Variants in NBEAL1 observed in about 807,000 individuals in gnomAD.
NBEAL1 encodes neurobeachin-like protein 1.
NBEAL1 carries 273 observed loss-of-function variants against 351.3 expected under a neutral mutation model. The ratio of observed to expected loss-of-function variants is 0.78; its 90% CI spans 0.70 to 0.86. NBEAL1 has a LOEUF of 0.86. Ranked by LOEUF, NBEAL1 falls within the 40% of genes least tolerant of loss-of-function variation. The pLI is 0.00. For missense variants in NBEAL1, 2,961 were observed against 3,201.3 expected (o/e 0.92, Z 1.81); for synonymous variants, 1,050 against 1,086.4 (o/e 0.97, Z 0.66).
chr2:203,131,993 A>G lies in NBEAL1; in HGVS notation c.3585A>G (p.Lys1195=). The G allele has an allele frequency of 6.5e-7, 1 of 1,543,524 alleles. No individual in the cohort carries two copies. Among genetic ancestry groups the G allele is most frequent in the Non-Finnish European group, 8.7e-7 (1 of 1,143,554 alleles). Residue 1195 remains lysine (K), a synonymous_variant, in exon 26 of 56, where the codon AAA becomes AAG. Transcript: ENST00000683969. ...IIFKIMEQML[K]CTNVYERSKQ... ...ACCAGATTATGGAACAAATGTTGAA[A>G]TGCACGAACGTTTATGAGCGTAGTA...
At chr2:203,134,175 GTACTTAGCTCTGAGTA>G (rs1019461317) in intron 27 of NBEAL1, among the ~76,000 whole-genome samples, 6 of 152,094 alleles carry the variant, frequency 3.9e-5, no homozygotes, top group African/African-American at 1.4e-4. Context: ...ATTTCCCTAT[GTACTTAGCTCTGAGTA>G]TTTGGAGCAG....
intron 2 of NBEAL1, among the ~76,000 whole-genome samples, chr2:203,028,702 TC>T (rs1215642305): frequency 6.6e-6 from 1 of 151,816 alleles, no homozygotes; most frequent in Non-Finnish European, 1.5e-5. Context: ...TATTTTTCTT[TC>T]CTAAAGAATT....
intron 6 of NBEAL1, among the ~76,000 whole-genome samples, chr2:203,064,651 G>A (rs1210834153): frequency 6.6e-6 from 1 of 152,172 alleles, no homozygotes; most frequent in African/African-American, 2.4e-5. Flanking sequence ...AGGGCTGGAG[G>A]ACAACTTTCT....
chr2:203,052,856 G>A (rs2061345780), intron 4 of NBEAL1, among the ~76,000 whole-genome samples: 1 of 151,920 alleles, frequency 6.6e-6, no homozygotes, highest in Non-Finnish European at 1.5e-5. Context: ...AAGGTGCTGG[G>A]ACTATAGGCA....
intron 51 of NBEAL1, among the ~76,000 whole-genome samples, chr2:203,207,452 G>A (rs1288859284): frequency 6.6e-6 from 1 of 152,146 alleles, no homozygotes; most frequent in Admixed American, 6.5e-5. Flanking sequence ...TGACAATGGC[G>A]GTTTTGTGGA....
intron 43 of NBEAL1, chr2:203,182,618 G>A (rs192416917): frequency 6.6e-6 from 1 of 152,280 alleles, no homozygotes; most frequent in Non-Finnish European, 1.5e-5. Context: ...TGTGCATTCT[G>A]TCATTTTATG....
Position 203,057,439 on chromosome 2 carries a change from A to G in NBEAL1, c.501A>G (p.Arg167=), listed in dbSNP as rs566015801. 6.4e-7 allele frequency: 1 copy of G among 1,550,408 alleles called. No homozygotes were observed. Among genetic ancestry groups the G allele is most frequent in the East Asian group, 2.4e-5 (1 of 41,280 alleles). Residue 167 remains arginine (R), a synonymous_variant, in exon 6 of 56, where the codon AGA becomes AGG. Transcript: ENST00000683969. The part of the protein sequence containing the change: ...ESLYDPYRNW[R]HRISGRILST... ...TATATGATCCATATCGGAATTGGAG[A>G]CATAGAATTTCAGGGTATGTCTTAT...
In NBEAL1 at chr2:203,107,613, A is replaced by G. The variant is rs1272791791; in HGVS notation, c.1374A>G (p.Val458=). The G allele has an allele frequency of 1.9e-6, 3 of 1,551,498 alleles. No homozygotes were observed. The South Asian group carries it at 3.6e-5, about 18-fold the overall frequency. The change falls in exon 14 of 56, where the codon GTA becomes GTG. Residue 458 remains valine (V), a synonymous_variant. Coordinates refer to ENST00000683969, the MANE Select transcript of NBEAL1 (RefSeq NM_001378026.1). Reference sequence around the variant, plus strand: ...TCTTTTATGTTGCTTTTCAGGCTGTAGAGGGTGACCACACTTCAGTTGGGA... The same window carrying G: ...TCTTTTATGTTGCTTTTCAGGCTGTGGAGGGTGACCACACTTCAGTTGGGA... ...ELLKELMNMA[V]EGDHTSVGIL...
rs1402685293 is a variant in NBEAL1 at position 203,083,289 on chromosome 2, C to T, written c.755C>T (p.Ser252Phe). ...ATGCGAGTATTGGCAGATTGTGATTCCTGGGAGGATGGAGATCCTGAAGAA... is the reference window on the plus strand; with the variant it reads ...ATGCGAGTATTGGCAGATTGTGATTTCTGGGAGGATGGAGATCCTGAAGAA... The part of the protein sequence containing the change: ...VLMRVLADCD[S>F]WEDGDPEEVG... The change falls in exon 9 of 56, where the codon TCC (serine) becomes TTC (phenylalanine). Residue 252 changes from serine to phenylalanine, a missense_variant. By Grantham distance (155) the Ser-to-Phe change is radical (BLOSUM62 -2). Coordinates refer to ENST00000683969, the MANE Select transcript of NBEAL1 (RefSeq NM_001378026.1). 3 of 1,552,730 alleles carry T rather than the reference C, an allele frequency of 1.9e-6. No homozygotes were observed. Among genetic ancestry groups the T allele is most frequent in the South Asian group, 1.2e-5 (1 of 84,130 alleles).
chr2:203,108,382 A>G (rs2062484143), intron 14 of NBEAL1, among the ~76,000 whole-genome samples, 194 bp downstream of exon 14: 1 of 133,218 alleles, frequency 7.5e-6, no homozygotes, highest in African/African-American at 2.7e-5. Flanking sequence ...TTTATCTCAA[A>G]TATTGCTGGT....
Position 203,136,747 on chromosome 2 carries a change from T to C in NBEAL1, c.4538T>C (p.Leu1513Pro). 6.2e-7 allele frequency: 1 copy of C among 1,612,834 alleles called. No individual in the cohort carries two copies. Among genetic ancestry groups the C allele is most frequent in the East Asian group, 2.2e-5 (1 of 44,806 alleles). The stretch of plus-strand genomic sequence containing the variant: ...AAACCAGGAATATCCAGTGAACTAC[T>C]TCGACCATCAGATGAAATAAAACTA... ...LSKPGISSELLRPSDEIKLTL... is the reference protein window; with the variant it reads ...LSKPGISSELPRPSDEIKLTL... The change falls in exon 29 of 56, where the codon CTT (leucine) becomes CCT (proline). Residue 1513 changes from leucine to proline, a missense_variant. By Grantham distance (98) the Leu-to-Pro change is moderately conservative. Coordinates refer to ENST00000683969, the MANE Select transcript of NBEAL1 (RefSeq NM_001378026.1).
intron 42 of NBEAL1, among the ~76,000 whole-genome samples, chr2:203,177,271 A>G (rs2064538004): frequency 6.6e-6 from 1 of 151,820 alleles, no homozygotes. Context: ...AAGGTGGCAC[A>G]CACCTATAAC....
chr2:203,144,599 G>C lies in NBEAL1; in HGVS notation c.4849-1G>C. 6.2e-7 allele frequency: 1 copy of C among 1,606,604 alleles called. No homozygotes were observed. The highest frequency in any genetic ancestry group is 8.5e-7 in the Non-Finnish European group (1 of 1,175,776). On this transcript the variant is annotated splice_acceptor_variant, in intron 31 of 55. Coordinates refer to ENST00000683969, the MANE Select transcript of NBEAL1 (RefSeq NM_001378026.1). LOFTEE classifies it high-confidence loss of function. ...TTCTCATCTAAACTGTTTTCCTCCA[G>C]GTTTGTGCAATGGCATCAGCTAAGC... is the stretch of plus-strand genomic sequence containing the variant.
rs1179188081 is a variant in NBEAL1, at chr2:203,151,479, TTCAC to T, written c.5479_5482del (p.His1827GlyfsTer3). 1.3e-6 allele frequency: 2 copies of T among 1,595,058 alleles called. No individual in the cohort carries two copies. Among genetic ancestry groups the T allele is most frequent in the Non-Finnish European group, 8.5e-7 (1 of 1,172,038 alleles). ...AATATTCTTAGGAAACAGAATCCAATTCACTGGAAGCTAGCTAATGTAGAGAATT... is the reference window on the plus strand; with the variant it reads ...AATATTCTTAGGAAACAGAATCCAATTGGAAGCTAGCTAATGTAGAGAATT... On this transcript the variant is annotated frameshift_variant, in exon 35 of 56. Transcript: ENST00000683969. LOFTEE classifies it high-confidence loss of function.
chr2:203,093,937 A>AT (rs1045008286), intron 10 of NBEAL1, among the ~76,000 whole-genome samples: 58 of 149,992 alleles, frequency 3.9e-4, no homozygotes, highest in African/African-American at 9.8e-4. Flanking sequence ...TATTTCTGGA[A>AT]TTTTTTTTTT....
In NBEAL1 at chr2:203,126,745, TA is replaced by T. The variant is rs780650211; in HGVS notation, c.3145+30del. On this transcript the variant is annotated intron_variant, in intron 22 of 55. Coordinates refer to ENST00000683969, the MANE Select transcript of NBEAL1 (RefSeq NM_001378026.1). ...AGAGCAGGCTTTCAGATAAACATTT[TA>T]TAGTTGTTTTAGAAATTTATAACTA... 4.5e-5 allele frequency: 69 copies of T among 1,516,794 alleles called. No individual in the cohort carries two copies. The East Asian group carries it at 1.6e-3, about 35-fold the overall frequency. 94.0% of individuals were successfully genotyped at this position (1,516,794 alleles called of 1,614,324 possible).
At position 203,163,217 on chromosome 2, in the gene NBEAL1, TCTC is replaced by T. The variant is rs558914155; in HGVS notation, c.5715-2930_5715-2928del. Among the ~76,000 whole-genome samples, 660 of 152,188 alleles carry T rather than the reference TCTC, an allele frequency of 4.3e-3. 1 individual carries two copies. The highest frequency in any genetic ancestry group is 7.2e-3 in the Non-Finnish European group (487 of 67,996). ...TCTCTTTAACATATTTGTAACTCCT[TCTC>T]CACAGGTGAAAAACCTGGATACCAT... is the stretch of plus-strand genomic sequence containing the variant. On this transcript the variant is annotated intron_variant, in intron 36 of 55. Coordinates refer to ENST00000683969, the MANE Select transcript of NBEAL1 (RefSeq NM_001378026.1).
In NBEAL1 at chr2:203,136,618, T is replaced by G; in HGVS notation, c.4409T>G (p.Leu1470Arg). 3 of 1,610,654 alleles carry G rather than the reference T, an allele frequency of 1.9e-6. No individual in the cohort carries two copies. The highest frequency in any genetic ancestry group is 2.5e-6 in the Non-Finnish European group (3 of 1,177,936). ...CCATAGAGATGTGAGGAGGAGCTTC[T>G]TCAATTACTGACACATATTTTGAAT... ...ESQERCEEEL[L>R]QLLTHILNYV... Residue 1470 changes from leucine to arginine, a missense_variant, in exon 29 of 56, where the codon CTT (leucine) becomes CGT (arginine). Transcript: ENST00000683969.
At chr2:203,109,809 C>T (rs950269837) in intron 14 of NBEAL1, among the ~76,000 whole-genome samples, 20 of 152,174 alleles carry the variant, frequency 1.3e-4, no homozygotes, top group Admixed American at 8.5e-4. Context: ...CATGAGCCAC[C>T]GCGCCTGGCC....
Sources: allele counts gnomAD v4.1 joint callset (sites outside exome capture counted in the v4.1 genomes callset), GRCh38; gene constraint gnomAD v4.1.1; transcripts MANE v1.5; gene names NCBI Gene and HGNC (gene_info 2026-07-23, HGNC 2026-07-21).